Variants in CD2 observed in about 807,000 individuals in gnomAD.
CD2 encodes the protein CD2 molecule.
A neutral mutation model predicts 23.2 loss-of-function variants in CD2; 18 were observed. The observed-to-expected ratio is 0.77, with a 90% CI of 0.54 to 1.15. The LOEUF is 1.15. Ranked by LOEUF, CD2 falls within the 50% of genes most tolerant of loss-of-function variation. CD2 has a pLI of 0.00. For missense variants in CD2, 424 were observed against 423.1 expected (o/e 1.00, Z -0.02); for synonymous variants, 162 against 151.9 (o/e 1.07, Z -0.49).
chr1:116,764,002 TG>T (rs1339055289), intron 3 of CD2, among the ~76,000 whole-genome samples: 2 of 151,406 alleles, frequency 1.3e-5, no homozygotes, highest in Non-Finnish European at 2.9e-5. Flanking sequence ...CATGGTGCAG[TG>T]GGGGTAGCCA....
intron 4 of CD2, among the ~76,000 whole-genome samples, chr1:116,767,709 C>T (rs963500155): frequency 2.6e-5 from 4 of 152,078 alleles, no homozygotes; most frequent in African/African-American, 9.7e-5. Context: ...ACCTAACTTA[C>T]AGCCTAAAGG....
intron 4 of CD2, among the ~76,000 whole-genome samples, chr1:116,765,145 C>T (rs534900942): frequency 4.9e-4 from 74 of 152,286 alleles, no homozygotes; most frequent in African/African-American, 1.8e-3. Flanking sequence ...CAGATCAGGC[C>T]TGTCTGACAA....
At chr1:116,755,829 C>A (rs985175303) in intron 2 of CD2, among the ~76,000 whole-genome samples, 1 of 151,988 alleles carries the variant, frequency 6.6e-6, no homozygotes, top group Admixed American at 6.6e-5. Flanking sequence ...AAAGTGGAAT[C>A]GAAATGCCAT....
Position 116,768,847 on chromosome 1 carries a change from AT to A in CD2, c.*65del. 1 of 1,459,266 alleles carries A rather than the reference AT, an allele frequency of 6.9e-7. No homozygotes were observed. Among genetic ancestry groups the A allele is most frequent in the South Asian group, 1.3e-5 (1 of 76,854 alleles). 90.4% of individuals were successfully genotyped at this position (1,459,266 alleles called of 1,614,324 possible). A position where few individuals can be genotyped will look rare whatever the true frequency, so the allele number is the denominator to read the frequency against. On this transcript the variant is annotated 3_prime_UTR_variant, in exon 5 of 5. Transcript: ENST00000369478. The stretch of plus-strand genomic sequence containing the variant: ...GGATTTCTGCCCTCCTGATGTGCAT[AT>A]CCGTACTTCCATGAGGTGTTTTCTG...
rs775786394 is a variant in CD2, at chr1:116,754,888, G to C, written c.319G>C (p.Val107Leu). Residue 107 changes from valine to leucine, a missense_variant, in exon 2 of 5, where the codon GTA becomes CTA. By Grantham distance (32) the Val-to-Leu change is conservative. Coordinates refer to ENST00000369478, the MANE Select transcript of CD2 (RefSeq NM_001767.5). ...LKTDDQDIYK[V>L]SIYDTKGKNV... ...GACCGATGATCAGGATATCTACAAG[G>C]TATCAATATATGATACAAAAGGAAA... 1.2e-5 allele frequency: 19 copies of C among 1,609,366 alleles called. No individual in the cohort carries two copies. The highest frequency in any genetic ancestry group is 1.0e-4 in the Admixed American group (6 of 59,384).
At chr1:116,759,588 T>G (rs927997005) in intron 2 of CD2, among the ~76,000 whole-genome samples, 3 of 152,222 alleles carry the variant, frequency 2.0e-5, no homozygotes, top group Non-Finnish European at 2.9e-5. Context: ...GATTATCGAA[T>G]GCATGAATTA....
At chr1:116,764,780 G>T (rs529758051) in intron 4 of CD2, 174 bp downstream of exon 4, 49 of 606,644 alleles carry the variant, frequency 8.1e-5, no homozygotes, top group African/African-American at 6.9e-4. Context: ...CTTGATTTTT[G>T]AAAAACAAAT....
intron 2 of CD2, among the ~76,000 whole-genome samples, chr1:116,756,232 G>A (rs138292035): frequency 0.015 from 2,281 of 152,240 alleles, 59 homozygotes; most frequent in African/African-American, 0.051. Context: ...CTGATTATGG[G>A]CTCTGGAAAC....
chr1:116,756,339 T>A (rs1651849997), intron 2 of CD2, among the ~76,000 whole-genome samples: 1 of 152,206 alleles, frequency 6.6e-6, no homozygotes, highest in Non-Finnish European at 1.5e-5. Context: ...CACATTTGGG[T>A]CGCATTTAGC....
intron 3 of CD2, among the ~76,000 whole-genome samples, chr1:116,762,741 C>T (rs933385436): frequency 1.3e-5 from 2 of 152,202 alleles, no homozygotes; most frequent in Non-Finnish European, 2.9e-5. Context: ...GATTTAGGAA[C>T]TGGGAGGGCA....
In CD2 at chr1:116,754,930, AT is replaced by A; in HGVS notation, c.362del (p.Ile121AsnfsTer4). 6.3e-7 allele frequency: 1 copy of A among 1,595,480 alleles called. No homozygotes were observed. The highest frequency in any genetic ancestry group is 1.1e-5 in the South Asian group (1 of 87,408). On this transcript the variant is annotated frameshift_variant, in exon 2 of 5. Coordinates refer to ENST00000369478, the MANE Select transcript of CD2 (RefSeq NM_001767.5). LOFTEE classifies it high-confidence loss of function. ...AAAAGGAAAAAATGTGTTGGAAAAA[AT>A]ATTTGATTTGAAGATTCAAGGTAAG... ...DTKGKNVLEK[I>X]FDLKIQERVS... is the part of the protein sequence containing the mutation.
At chr1:116,755,122 G>T in intron 2 of CD2, 171 bp downstream of exon 2, 1 of 613,178 alleles carries the variant, frequency 1.6e-6, no homozygotes, top group Non-Finnish European at 2.9e-6. Context: ...ATGCGGGAAT[G>T]GGATCCACAC....
At chr1:116,755,740 G>T (rs1324401082) in intron 2 of CD2, among the ~76,000 whole-genome samples, 1 of 152,148 alleles carries the variant, frequency 6.6e-6, no homozygotes, top group Non-Finnish European at 1.5e-5. Context: ...ACCAAAGGGT[G>T]CCTCTAAAAT....
intron 3 of CD2, 108 bp downstream of exon 3, chr1:116,760,740 G>A (rs1652023955): frequency 6.3e-6 from 5 of 792,372 alleles, no homozygotes; most frequent in African/African-American, 1.7e-5. Context: ...CCCTGGCTCA[G>A]GATGAGGCAT....
Position 116,760,447 on chromosome 1 carries a change from C to T in CD2, c.428C>T (p.Thr143Ile), listed in dbSNP as rs151252237. The T allele has an allele frequency of 1.1e-3, 1,774 of 1,614,030 alleles. No individual in the cohort carries two copies. Among genetic ancestry groups the T allele is most frequent in the Non-Finnish European group, 1.4e-3 (1,647 of 1,180,008 alleles). The change falls in exon 3 of 5, where the codon ACC becomes ATC. Residue 143 changes from threonine to isoleucine, a missense_variant. Coordinates refer to ENST00000369478, the MANE Select transcript of CD2 (RefSeq NM_001767.5). ...PKISWTCINT[T>I]LTCEVMNGTD... ...ATCTCCTGGACTTGTATCAACACAA[C>T]CCTGACCTGTGAGGTAATGAATGGA...
intron 3 of CD2, among the ~76,000 whole-genome samples, chr1:116,762,172 A>C (rs1652075565): frequency 6.6e-6 from 1 of 152,234 alleles, no homozygotes; most frequent in Non-Finnish European, 1.5e-5. Context: ...GCAAATAAAA[A>C]TACAGCATAA....
At chr1:116,760,903 G>A (rs780158391) in intron 3 of CD2, among the ~76,000 whole-genome samples, 10 of 152,222 alleles carry the variant, frequency 6.6e-5, no homozygotes, top group Non-Finnish European at 1.2e-4. Context: ...TTGCAAAACT[G>A]AAGAAGGAGG....
intron 3 of CD2, among the ~76,000 whole-genome samples, chr1:116,761,444 C>T (rs1450720435): frequency 6.6e-6 from 1 of 152,180 alleles, no homozygotes; most frequent in Non-Finnish European, 1.5e-5. Flanking sequence ...TGAGTAGGCT[C>T]TTGGATCCAC....
chr1:116,760,298 G>A, intron 2 of CD2, 104 bp from the exon 3 acceptor site: 1 of 791,588 alleles, frequency 1.3e-6, no homozygotes, highest in South Asian at 1.8e-5. Context: ...CTTTGACATT[G>A]TTCCCTTGTC....
Sources: allele counts gnomAD v4.1 joint callset (sites outside exome capture counted in the v4.1 genomes callset), GRCh38; gene constraint gnomAD v4.1.1; transcripts MANE v1.5; gene names NCBI Gene and HGNC (gene_info 2026-07-23, HGNC 2026-07-21).